Variants in IGFBP4 observed in about 807,000 individuals in gnomAD.
IGFBP4 encodes insulin like growth factor binding protein 4, also known as insulin-like growth factor-binding protein 4.
In IGFBP4, 9 loss-of-function variants were observed where a neutral mutation model predicts 25.8. The observed-to-expected ratio is 0.35, with a 90% CI of 0.21 to 0.61. The LOEUF is 0.61. IGFBP4 is among the 20% of genes least tolerant of loss of function. The pLI is 0.77. For missense variants in IGFBP4, 315 were observed against 365.3 expected, an observed-to-expected ratio of 0.86 and a Z score of 1.12; for synonymous variants, 153 against 153.9, an observed-to-expected ratio of 0.99 and a Z score of 0.05.
At chr17:40,456,324 C>T (rs2035713745) in intron 3 of IGFBP4, 125 bp from the exon 4 acceptor site, 2 of 921,462 alleles carry the variant, frequency 2.2e-6, no homozygotes, top group African/African-American at 1.6e-5. Context: ...AGTCACCACC[C>T]TCAGAGGCCA....
At chr17:40,449,410 G>A (rs1365133866) in intron 1 of IGFBP4, among the ~76,000 whole-genome samples, 1 of 151,952 alleles carries the variant, frequency 6.6e-6, no homozygotes, top group Non-Finnish European at 1.5e-5. Context: ...GAGGCCAGGA[G>A]TTTGAGACCA....
intron 1 of IGFBP4, among the ~76,000 whole-genome samples, chr17:40,449,734 G>A (rs1386732811): frequency 6.6e-6 from 1 of 151,098 alleles, no homozygotes; most frequent in Non-Finnish European, 1.5e-5. Context: ...GGGCGACAGA[G>A]CGAGACTCCG....
At chr17:40,449,434 A>G (rs1597674840) in intron 1 of IGFBP4, among the ~76,000 whole-genome samples, 1 of 151,968 alleles carries the variant, frequency 6.6e-6, no homozygotes, top group Non-Finnish European at 1.5e-5. Context: ...TGGGAAACAC[A>G]GTGACACCCT....
intron 1 of IGFBP4, 124 bp downstream of exon 1, chr17:40,444,208 C>A: frequency 1.3e-6 from 1 of 752,386 alleles, no homozygotes; most frequent in Non-Finnish European, 2.2e-6. Context: ...AAGGCAGGTA[C>A]GTGGCAGGGC....
intron 1 of IGFBP4, among the ~76,000 whole-genome samples, chr17:40,452,357 G>A (rs1238504399): frequency 6.6e-6 from 1 of 152,166 alleles, no homozygotes; most frequent in Non-Finnish European, 1.5e-5. Flanking sequence ...GGCCACACAG[G>A]TTGTGTTACA....
At position 40,456,741 on chromosome 17, in the gene IGFBP4, G is replaced by C. The variant is rs190886856; in HGVS notation, c.*158G>C. On this transcript the variant is annotated 3_prime_UTR_variant, in exon 4 of 4. Transcript: ENST00000269593. ...CGTGTGCACGTGTGCGTGTGCGTGC[G>C]TGTGTGTGTGTTTGTGAGCATGGGT... The C allele has an allele frequency of 3.1e-6, 2 of 636,798 alleles. No homozygotes were observed. Among genetic ancestry groups the C allele is most frequent in the Admixed American group, 3.2e-5 (1 of 31,112 alleles). 39.4% of individuals were successfully genotyped at this position (636,798 alleles called of 1,614,324 possible).
At chr17:40,452,852 C>T (rs1231115636) in intron 1 of IGFBP4, 133 bp from the exon 2 acceptor site, 2 of 649,620 alleles carry the variant, frequency 3.1e-6, no homozygotes, top group Non-Finnish European at 4.9e-6. Flanking sequence ...CTTCCCGCTC[C>T]CCAGGCCCCC....
At chr17:40,450,733 C>T (rs1440871220) in intron 1 of IGFBP4, among the ~76,000 whole-genome samples, 7 of 151,380 alleles carry the variant, frequency 4.6e-5, no homozygotes, top group African/African-American at 1.2e-4. Flanking sequence ...CTATGTTGCC[C>T]AGGCTAGTCT....
chr17:40,443,701 A>AGCGCCCC lies in IGFBP4; in HGVS notation c.-28_-22dup, dbSNP rs1184917808. 3.2e-6 allele frequency: 4 copies of AGCGCCCC among 1,264,244 alleles called. No homozygotes were observed. The highest frequency in any genetic ancestry group is 4.3e-5 in the Admixed American group (1 of 23,470). The allele number at this position is 1,264,244 out of a possible 1,614,324, so 78.3% of individuals were successfully genotyped here. ...GCGCCCGCGCTCCCCGCCTGCGCCCAGCGCCCCGCGCCCGCGCCCAGTCCT... is the reference window on the plus strand; with the variant it reads ...GCGCCCGCGCTCCCCGCCTGCGCCCAGCGCCCCGCGCCCCGCGCCCGCGCCCAGTCCT... On this transcript the variant is annotated 5_prime_UTR_variant, in exon 1 of 4. Coordinates refer to ENST00000269593, the MANE Select transcript of IGFBP4 (RefSeq NM_001552.3).
At chr17:40,449,019 A>G (rs1405265554) in intron 1 of IGFBP4, among the ~76,000 whole-genome samples, 1 of 152,188 alleles carries the variant, frequency 6.6e-6, no homozygotes, top group African/African-American at 2.4e-5. Context: ...CATGAGACTA[A>G]GGAGGGAGCT....
intron 1 of IGFBP4, among the ~76,000 whole-genome samples, chr17:40,445,546 T>G (rs531492941): frequency 1.9e-4 from 29 of 152,356 alleles, no homozygotes; most frequent in African/African-American, 6.7e-4. Context: ...GGAGGTGGAC[T>G]CCAGGGGTCT....
At chr17:40,449,716 T>G (rs2035671689) in intron 1 of IGFBP4, among the ~76,000 whole-genome samples, 1 of 149,574 alleles carries the variant, frequency 6.7e-6, no homozygotes, top group Non-Finnish European at 1.5e-5. Flanking sequence ...GCCACTGCAT[T>G]CCAGCCTGGG....
rs200075321 is a variant in IGFBP4, at chr17:40,456,538, G to A, written c.732G>A (p.Lys244=). ...AGCTTCCGGGGGGCCTGGAGCCAAA[G>A]GGGGAGCTGGACTGCCACCAGCTGG... ...GVKLPGGLEP[K]GELDCHQLAD... The change falls in exon 4 of 4, where the codon AAG becomes AAA. Residue 244 remains lysine, a synonymous_variant. Transcript: ENST00000269593. The A allele has an allele frequency of 4.3e-6, 7 of 1,613,564 alleles. No homozygotes were observed. Among genetic ancestry groups the A allele is most frequent in the Non-Finnish European group, 5.9e-6 (7 of 1,179,868 alleles).
intron 1 of IGFBP4, among the ~76,000 whole-genome samples, chr17:40,445,330 T>C (rs1014465478): frequency 6.6e-6 from 1 of 152,222 alleles, no homozygotes; most frequent in African/African-American, 2.4e-5. Context: ...TATGCCTCTG[T>C]TTCTCATTCC....
chr17:40,453,796 A>G lies in IGFBP4; in HGVS notation c.508-132A>G. 1 of 597,772 alleles carries G rather than the reference A, an allele frequency of 1.7e-6. No individual in the cohort carries two copies. The highest frequency in any genetic ancestry group is 2.8e-6 in the Non-Finnish European group (1 of 355,088). 37.0% of individuals were successfully genotyped at this position (597,772 alleles called of 1,614,324 possible). A position where few individuals can be genotyped will look rare whatever the true frequency, so the allele number is the denominator to read the frequency against. ...AGACCCAGGCCTCTCTCTTCACCTC[A>G]CTGGGTCCTGCCCAGCCCCTGGGGC... On this transcript the variant is annotated intron_variant, in intron 2 of 3. Coordinates refer to ENST00000269593, the MANE Select transcript of IGFBP4 (RefSeq NM_001552.3). This position sits in a 1 kb window ranked among gnomAD's most constrained non-coding sequence, Gnocchi z 4.0.
intron 1 of IGFBP4, among the ~76,000 whole-genome samples, chr17:40,449,727 C>T (rs1049192515): frequency 6.2e-5 from 9 of 146,308 alleles, no homozygotes; most frequent in East Asian, 4.0e-4. Context: ...CCAGCCTGGG[C>T]GACAGAGCGA....
At chr17:40,454,214 G>T (rs1043433861) in intron 3 of IGFBP4, 152 bp downstream of exon 3, 1 of 1,140,898 alleles carries the variant, frequency 8.8e-7, no homozygotes, top group Non-Finnish European at 1.2e-6. Flanking sequence ...CTACCTCAGC[G>T]TCAGAACCTC....
Position 40,444,024 on chromosome 17 carries a change from C to A in IGFBP4, c.289C>A (p.Gln97Lys). 6.5e-7 allele frequency: 1 copy of A among 1,538,606 alleles called. No individual in the cohort carries two copies. Among genetic ancestry groups the A allele is most frequent in the South Asian group, 1.2e-5 (1 of 84,058 alleles). The change falls in exon 1 of 4, where the codon CAA becomes AAA. Residue 97 changes from glutamine to lysine, a missense_variant. By Grantham distance (53) the Gln-to-Lys change is moderately conservative. Transcript: ENST00000269593. ...GCCCCTGCACACACTGATGCACGGG[C>A]AAGGCGTGTGCATGGAGCTGGCGGA... is the stretch of plus-strand genomic sequence containing the variant. ...EKPLHTLMHGQGVCMELAEIE... is the reference protein window; with the variant it reads ...EKPLHTLMHGKGVCMELAEIE...
chr17:40,446,654 G>A (rs1283033771), intron 1 of IGFBP4, among the ~76,000 whole-genome samples: 3 of 152,024 alleles, frequency 2.0e-5, no homozygotes, highest in Non-Finnish European at 4.4e-5. Flanking sequence ...ACAAAAAACG[G>A]TGTCTTGGAA....
Sources: gnomAD v4.1 joint callset for allele counts (sites outside exome capture counted in the v4.1 genomes callset) on GRCh38, gnomAD v4.1.1 for gene constraint, Gnocchi (gnomAD v3.1) non-coding constraint, MANE v1.5 for transcripts, NCBI Gene and HGNC (gene_info 2026-07-23, HGNC 2026-07-21) for gene names.